MPPED1: variants seen among roughly 807,000 people sequenced by gnomAD.
MPPED1 encodes metallophosphoesterase domain-containing protein 1.
Under a neutral mutation model 36.2 loss-of-function variants are expected in MPPED1, and 16 were observed. The observed-to-expected ratio is 0.44, with a 90% CI of 0.30 to 0.67. The LOEUF (loss-of-function observed/expected upper bound fraction) is 0.67. MPPED1 is among the 30% of genes least tolerant of loss of function. The pLI is 0.10. For missense variants in MPPED1, 307 were observed against 453.4 expected (o/e 0.68, Z 2.93); for synonymous variants, 199 against 191.3 (o/e 1.04, Z -0.33).
intron 3 of MPPED1, among the ~76,000 whole-genome samples, chr22:43,469,124 C>G (rs1374513788): frequency 2.6e-5 from 4 of 152,126 alleles, no homozygotes; most frequent in African/African-American, 7.2e-5. Context: ...TGGAGAACAG[C>G]TACTTTCCCG....
At chr22:43,489,155 T>C (rs1257893355) in intron 4 of MPPED1, among the ~76,000 whole-genome samples, 1 of 152,032 alleles carries the variant, frequency 6.6e-6, no homozygotes, top group Non-Finnish European at 1.5e-5. Context: ...GTCTGCCAGG[T>C]CTCACTGGAC....
intron 3 of MPPED1, among the ~76,000 whole-genome samples, chr22:43,443,407 GC>G (rs1409480502): frequency 6.6e-6 from 1 of 152,220 alleles, no homozygotes; most frequent in East Asian, 1.9e-4. Flanking sequence ...ACCAGGAGAG[GC>G]TGGTGCAGGT....
chr22:43,428,661 C>T (rs1929568762), intron 2 of MPPED1, among the ~76,000 whole-genome samples: 1 of 152,158 alleles, frequency 6.6e-6, no homozygotes, highest in Admixed American at 6.5e-5. Context: ...ACAACAGTGA[C>T]AGTCCAAACA....
At chr22:43,441,026 C>T (rs1036242755) in intron 3 of MPPED1, among the ~76,000 whole-genome samples, 2 of 152,126 alleles carry the variant, frequency 1.3e-5, no homozygotes, top group Non-Finnish European at 2.9e-5. Flanking sequence ...ACTAACCACT[C>T]AGACCCCCCA....
intron 1 of MPPED1, chr22:43,418,236 G>A (rs1224278712): frequency 2.2e-6 from 1 of 447,612 alleles, no homozygotes; most frequent in Non-Finnish European, 4.5e-6. Flanking sequence ...GTGGCACAGG[G>A]ACAGCAGATG....
intron 4 of MPPED1, among the ~76,000 whole-genome samples, chr22:43,494,673 G>T (rs1038583255): frequency 8.8e-6 from 1 of 113,308 alleles, no homozygotes; most frequent in African/African-American, 3.6e-5. Flanking sequence ...ATGTCTTTTT[G>T]GGGGACACAA....
At position 43,474,638 on chromosome 22, in the gene MPPED1, T is replaced by C; in HGVS notation, c.407-98T>C. 1 of 1,542,784 alleles carries C rather than the reference T, an allele frequency of 6.5e-7. No homozygotes were observed. Among genetic ancestry groups the C allele is most frequent in the Non-Finnish European group, 8.8e-7 (1 of 1,130,982 alleles). ...GAGCTGACCTTTGACCAGGAGTTCA[T>C]GCAGCTTCCTCCTGCCCGCCCCTCT... On this transcript the variant is annotated intron_variant, in intron 3 of 6. Transcript: ENST00000443721. This position sits in a 1 kb window ranked among gnomAD's most constrained non-coding sequence, Gnocchi z 5.2.
intron 1 of MPPED1, among the ~76,000 whole-genome samples, chr22:43,413,469 G>C (rs1189043216): frequency 6.6e-6 from 1 of 152,218 alleles, no homozygotes; most frequent in Non-Finnish European, 1.5e-5. Flanking sequence ...ACGTCCAGTC[G>C]GAAGCCAGAT....
chr22:43,462,739 C>T (rs1460063706), intron 3 of MPPED1, among the ~76,000 whole-genome samples: 1 of 152,174 alleles, frequency 6.6e-6, no homozygotes, highest in Non-Finnish European at 1.5e-5. Flanking sequence ...GGCTTACCTC[C>T]TGGAGCCTCC....
At chr22:43,483,259 C>T (rs547051421) in intron 4 of MPPED1, among the ~76,000 whole-genome samples, 2 of 152,370 alleles carry the variant, frequency 1.3e-5, no homozygotes, top group East Asian at 3.9e-4. Context: ...CCCACCAGAA[C>T]GGGGCCGAGT....
At chr22:43,468,237 G>A (rs1296238407) in intron 3 of MPPED1, among the ~76,000 whole-genome samples, 3 of 152,234 alleles carry the variant, frequency 2.0e-5, no homozygotes, top group Admixed American at 6.5e-5. Flanking sequence ...GGCATTTGGG[G>A]AAGATGGTCT....
At chr22:43,482,250 G>A (rs775122819) in intron 4 of MPPED1, among the ~76,000 whole-genome samples, 6 of 152,136 alleles carry the variant, frequency 3.9e-5, no homozygotes, top group Non-Finnish European at 8.8e-5. Context: ...AAATTGGCAC[G>A]CAGCGAGTCC....
rs1433204674 is a variant in MPPED1, at chr22:43,500,104, TGGGGGTGATGAA to T, written c.748+1757_748+1768del. On this transcript the variant is annotated intron_variant, in intron 5 of 6. Transcript: ENST00000443721. The stretch of plus-strand genomic sequence containing the variant: ...GTGGTGATGGCGATGGAGGTGGTAG[TGGGGGTGATGAA>T]GGTGGTGATGGAGGTGGTAATGGAG... 4.1e-3 allele frequency among the ~76,000 whole-genome samples: 434 copies of T among 106,804 alleles called. 2 individuals carry two copies. Among genetic ancestry groups the T allele is most frequent in the Non-Finnish European group, 5.1e-3 (260 of 50,792 alleles). 70.1% of individuals were successfully genotyped at this position (106,804 alleles called of 152,430 possible).
chr22:43,494,374 C>G (rs1042834691), intron 4 of MPPED1, among the ~76,000 whole-genome samples: 2 of 152,242 alleles, frequency 1.3e-5, no homozygotes, highest in East Asian at 3.9e-4. Context: ...GCTGGTGATG[C>G]TAGTTGCTGG....
chr22:43,479,100 G>A (rs1036930707), intron 4 of MPPED1, among the ~76,000 whole-genome samples: 5 of 152,168 alleles, frequency 3.3e-5, no homozygotes, highest in Non-Finnish European at 5.9e-5. Flanking sequence ...CCAGCTGTCT[G>A]TTGAGGTTCT....
chr22:43,425,105 C>T lies in MPPED1; in HGVS notation c.120C>T (p.His40=), dbSNP rs1929418374. The change falls in exon 2 of 7, where the codon CAC becomes CAT. Residue 40 remains histidine, a synonymous_variant. Coordinates refer to ENST00000443721, the MANE Select transcript of MPPED1 (RefSeq NM_001044370.2). ...TGATGGCCGCTCGGCGGCACCAGCA[C>T]AGCCGGCTCATCATCGAGGTGGACG... The part of the protein sequence containing the change: ...SHVMAARRHQ[H]SRLIIEVDEY... The T allele has an allele frequency of 6.2e-7, 1 of 1,613,848 alleles. No homozygotes were observed. The highest frequency in any genetic ancestry group is 1.3e-5 in the African/African-American group (1 of 75,068).
At chr22:43,471,471 G>C (rs1931374847) in intron 3 of MPPED1, among the ~76,000 whole-genome samples, 1 of 152,204 alleles carries the variant, frequency 6.6e-6, no homozygotes. Context: ...CAGCCGTGGG[G>C]CCTGGGTGGG....
chr22:43,472,963 G>A (rs966594636), intron 3 of MPPED1, among the ~76,000 whole-genome samples: 5 of 152,204 alleles, frequency 3.3e-5, no homozygotes, highest in African/African-American at 1.2e-4. Context: ...TAAGGGCTGG[G>A]GAGGCGAGCT....
At chr22:43,486,346 C>A (rs116472104) in intron 4 of MPPED1, among the ~76,000 whole-genome samples, 3,281 of 152,240 alleles carry the variant, frequency 0.022, 120 homozygotes, top group African/African-American at 0.075. Context: ...ATGGCTGGCT[C>A]CCTGGAAAGC....
Sources: gnomAD v4.1 joint callset for allele counts (sites outside exome capture counted in the v4.1 genomes callset) on GRCh38, gnomAD v4.1.1 for gene constraint, Gnocchi (gnomAD v3.1) non-coding constraint, MANE v1.5 for transcripts, NCBI Gene and HGNC (gene_info 2026-07-23, HGNC 2026-07-21) for gene names.